The following SCN1A variants were observed in gnomAD, a reference collection of about 807,000 sequenced individuals.
SCN1A encodes sodium channel protein type 1 subunit alpha.
In SCN1A, 13 loss-of-function variants were observed where a neutral mutation model predicts 193.7. That is an observed-to-expected ratio of 0.07 (90% CI 0.04 to 0.11). The LOEUF is 0.11. SCN1A is among the 10% of genes least tolerant of loss of function. The pLI, the probability that SCN1A is intolerant of heterozygous loss-of-function variation, is 1.00. For missense variants in SCN1A, 1,432 were observed against 2,451.1 expected (o/e 0.58, Z 8.78); for synonymous variants, 781 against 843.6 (o/e 0.93, Z 1.29).
Position 165,991,993 on chromosome 2 carries a change from A to G in SCN1A, c.5282T>C (p.Val1761Ala), listed in dbSNP as rs1057518252. 2.5e-6 allele frequency: 4 copies of G among 1,613,922 alleles called. No individual in the cohort carries two copies. Among genetic ancestry groups the G allele is most frequent in the African/African-American group, 1.3e-5 (1 of 74,980 alleles). ...GTAACTGACAAAAAAGAAAATTCCA[A>G]CAGATGGGTTCCCACAGTCTCCCTT... ...SVKGDCGNPS[V>A]GIFFFVSYII... Residue 1761 changes from valine (V) to alanine (A), a missense_variant, in exon 29 of 29, where the codon GTT becomes GCT. Val to Ala is a moderately conservative substitution (Grantham distance 64, BLOSUM62 0). Transcript: ENST00000674923.
At chr2:166,085,421 G>C (rs1373269820) in intron 2 of SCN1A, among the ~76,000 whole-genome samples, 1 of 152,154 alleles carries the variant, frequency 6.6e-6, no homozygotes, top group Non-Finnish European at 1.5e-5. Flanking sequence ...GCAGAATTCT[G>C]TGTGGAATTC....
At chr2:166,019,942 G>A (rs994968741) in intron 19 of SCN1A, among the ~76,000 whole-genome samples, 19 of 140,320 alleles carry the variant, frequency 1.4e-4, no homozygotes, top group African/African-American at 1.6e-4. Context: ...ACAGAGTCTC[G>A]CTCTGTCGTC....
chr2:166,082,984 C>T (rs745423410), intron 2 of SCN1A, among the ~76,000 whole-genome samples: 13 of 151,980 alleles, frequency 8.6e-5, no homozygotes, highest in Non-Finnish European at 1.8e-4. Flanking sequence ...TGTTTCAGTT[C>T]GTTTTGTAGT....
At chr2:166,097,010 G>GT (rs71393701) in intron 2 of SCN1A, among the ~76,000 whole-genome samples, 10,437 of 151,680 alleles carry the variant, frequency 0.069, 484 homozygotes, top group Middle Eastern at 0.21. Flanking sequence ...CTTTGTGTGT[G>GT]TTTTTTTTGT....
At chr2:166,026,102 T>C (rs1694721179) in intron 19 of SCN1A, among the ~76,000 whole-genome samples, 2 of 152,124 alleles carry the variant, frequency 1.3e-5, no homozygotes, top group Non-Finnish European at 2.9e-5. Context: ...CTCCAGTATA[T>C]GGTTACTTTT....
intron 2 of SCN1A, among the ~76,000 whole-genome samples, chr2:166,093,908 T>C (rs1166624320): frequency 6.6e-6 from 1 of 152,210 alleles, no homozygotes; most frequent in Non-Finnish European, 1.5e-5. Context: ...ATGCTCTTGT[T>C]TTAAAACCAG....
At chr2:166,025,452 T>A (rs1198661224) in intron 19 of SCN1A, among the ~76,000 whole-genome samples, 2 of 152,116 alleles carry the variant, frequency 1.3e-5, no homozygotes, top group African/African-American at 4.8e-5. Flanking sequence ...TTCAGCTTCC[T>A]CTATGTGATA....
chr2:166,046,169 G>T (rs948048502), intron 12 of SCN1A, among the ~76,000 whole-genome samples: 2 of 152,110 alleles, frequency 1.3e-5, no homozygotes, highest in African/African-American at 4.8e-5. Context: ...AGAGAGATAG[G>T]AGAGGCATTT....
At chr2:166,124,561 C>T (rs1199173567) in intron 2 of SCN1A, among the ~76,000 whole-genome samples, 12 of 152,062 alleles carry the variant, frequency 7.9e-5, no homozygotes, top group Admixed American at 7.9e-4. Flanking sequence ...AAACAACAAA[C>T]AAACAAACAA....
intron 2 of SCN1A, among the ~76,000 whole-genome samples, chr2:166,113,581 T>C (rs1197259968): frequency 8.3e-6 from 1 of 121,062 alleles, no homozygotes; most frequent in African/African-American, 2.9e-5. Context: ...AAATAACAGG[T>C]GTGCTATAAT....
At chr2:166,042,546 G>T in intron 14 of SCN1A, 122 bp from the exon 15 acceptor site, 1 of 868,900 alleles carries the variant, frequency 1.2e-6, no homozygotes, top group Non-Finnish European at 1.9e-6. Context: ...TATTCAATTG[G>T]TGATGGCAGA....
intron 2 of SCN1A, among the ~76,000 whole-genome samples, chr2:166,113,794 T>G (rs984928059): frequency 2.6e-5 from 4 of 152,166 alleles, no homozygotes; most frequent in Admixed American, 6.5e-5. Flanking sequence ...CAGTGATGGA[T>G]GCACTGAAGG....
At chr2:166,096,253 T>C (rs1687361791) in intron 2 of SCN1A, among the ~76,000 whole-genome samples, 1 of 152,198 alleles carries the variant, frequency 6.6e-6, no homozygotes, top group Non-Finnish European at 1.5e-5. Context: ...AATTCTGATA[T>C]GAAAGTTGGA....
At chr2:166,100,596 T>C in intron 2 of SCN1A, among the ~76,000 whole-genome samples, 1 of 148,714 alleles carries the variant, frequency 6.7e-6, no homozygotes. Flanking sequence ...TGGGAGAAAA[T>C]TTTCACAACC....
At chr2:166,119,691 C>G (rs1240570417) in intron 2 of SCN1A, among the ~76,000 whole-genome samples, 2 of 152,084 alleles carry the variant, frequency 1.3e-5, no homozygotes, top group Non-Finnish European at 2.9e-5. Flanking sequence ...CAAAGCTTTT[C>G]CATTGTTACA....
At chr2:166,080,921 A>G (rs1322499080) in intron 2 of SCN1A, among the ~76,000 whole-genome samples, 1 of 151,944 alleles carries the variant, frequency 6.6e-6, no homozygotes, top group Non-Finnish European at 1.5e-5. Context: ...GGGAGACTTT[A>G]CAAGATCAGA....
At chr2:165,993,353 G>A (rs1689554294) in intron 28 of SCN1A, 2 of 152,032 alleles carry the variant, frequency 1.3e-5, no homozygotes, top group African/African-American at 2.4e-5. Context: ...TTCAGAGAGG[G>A]GAGTGGCATG....
chr2:166,120,728 C>T (rs966215843), intron 2 of SCN1A, among the ~76,000 whole-genome samples: 4 of 151,366 alleles, frequency 2.6e-5, no homozygotes, highest in African/African-American at 9.7e-5. Flanking sequence ...ACTCTCCTGG[C>T]TCAGCCTCCT....
intron 2 of SCN1A, among the ~76,000 whole-genome samples, chr2:166,085,422 T>C (rs73969802): frequency 2.6e-5 from 4 of 152,278 alleles, no homozygotes; most frequent in African/African-American, 9.6e-5. Flanking sequence ...CAGAATTCTG[T>C]GTGGAATTCT....
Sources: allele counts gnomAD v4.1 joint callset (sites outside exome capture counted in the v4.1 genomes callset), GRCh38; gene constraint gnomAD v4.1.1; transcripts MANE v1.5; gene names NCBI Gene and HGNC (gene_info 2026-07-23, HGNC 2026-07-21).